MGMT: variants seen among roughly 807,000 people sequenced by gnomAD.
MGMT encodes the protein O-6-methylguanine-DNA methyltransferase.
In MGMT, 14 loss-of-function variants were observed where a neutral mutation model predicts 15.9. The observed-to-expected ratio is 0.88, with a 90% CI of 0.58 to 1.37. The LOEUF (loss-of-function observed/expected upper bound fraction) is 1.37, where lower values mean the gene tolerates loss of function less well. MGMT is among the 40% of genes most tolerant of loss of function. The pLI is 0.00. For missense variants in MGMT, 282 were observed against 268.1 expected (o/e 1.05, Z -0.36); for synonymous variants, 130 against 118.2 (o/e 1.10, Z -0.65).
At chr10:129,475,973 G>A (rs1366099561) in intron 1 of MGMT, among the ~76,000 whole-genome samples, 1 of 152,152 alleles carries the variant, frequency 6.6e-6, no homozygotes, top group African/African-American at 2.4e-5. Context: ...CATTTGCCAG[G>A]AGGCAGGACT....
At chr10:129,764,796 A>G (rs536488008) in intron 4 of MGMT, among the ~76,000 whole-genome samples, 4 of 152,088 alleles carry the variant, frequency 2.6e-5, no homozygotes, top group Non-Finnish European at 4.4e-5. Context: ...GTTTGTTCTC[A>G]TCAGGGCAGG....
chr10:129,583,720 C>T (rs1395331242), intron 2 of MGMT, among the ~76,000 whole-genome samples: 4 of 152,244 alleles, frequency 2.6e-5, no homozygotes, highest in Admixed American at 2.6e-4. Flanking sequence ...GCCGCCCACA[C>T]CTTGCTTCCT....
At position 129,770,538 on chromosome 10, in the gene MGMT, G is replaced by T. The variant is rs771035936; in HGVS notation, c.*3541G>T. Among the ~76,000 whole-genome samples the T allele has an allele frequency of 2.2e-4, 33 of 152,210 alleles. No homozygotes were observed. The highest frequency in any genetic ancestry group is 4.4e-4 in the Non-Finnish European group (30 of 68,044). On this transcript the variant is annotated 3_prime_UTR_variant, in exon 5 of 5. Coordinates refer to ENST00000651593, the MANE Select transcript of MGMT (RefSeq NM_002412.5). Reference sequence around the variant, plus strand: ...TCCATGCACCCGTAGCTGTGACCATGGGCGGTGGCGCCAGCTCGGACTTCA... The same window carrying T: ...TCCATGCACCCGTAGCTGTGACCATTGGCGGTGGCGCCAGCTCGGACTTCA...
chr10:129,530,808 C>T (rs1483571253), intron 1 of MGMT, among the ~76,000 whole-genome samples: 2 of 152,254 alleles, frequency 1.3e-5, no homozygotes, highest in East Asian at 1.9e-4. Flanking sequence ...CATCCCCCAG[C>T]TCTCGTGGCG....
chr10:129,644,410 C>T (rs760347037), intron 2 of MGMT, among the ~76,000 whole-genome samples: 4 of 152,266 alleles, frequency 2.6e-5, no homozygotes, highest in East Asian at 3.9e-4. Context: ...AGGCTGGCGT[C>T]GGGGCCAGGC....
intron 4 of MGMT, among the ~76,000 whole-genome samples, chr10:129,766,459 C>T (rs1450717314): frequency 6.6e-6 from 1 of 152,190 alleles, no homozygotes; most frequent in East Asian, 1.9e-4. Context: ...GTTTTGTAAG[C>T]GAACGTTGTA....
Position 129,498,448 on chromosome 10 carries a change from A to G in MGMT, c.-13+31152A>G, listed in dbSNP as rs149397256. On this transcript the variant is annotated intron_variant, in intron 1 of 4. Transcript: ENST00000651593. The stretch of plus-strand genomic sequence containing the variant: ...TTTGTATTTCCCTCCTTCCCTTTTC[A>G]TTTACCAACGGGAACTGTTCTGTAA... 3.0e-3 allele frequency among the ~76,000 whole-genome samples: 458 copies of G among 151,984 alleles called. 4 individuals are homozygous for G. The highest frequency in any genetic ancestry group is 0.01 in the African/African-American group (430 of 41,434).
chr10:129,716,995 C>G (rs550168822), intron 3 of MGMT, among the ~76,000 whole-genome samples: 58 of 152,328 alleles, frequency 3.8e-4, no homozygotes, highest in African/African-American at 1.4e-3. Flanking sequence ...GCAGCGTCGG[C>G]CAGCTGTGCC....
intron 2 of MGMT, among the ~76,000 whole-genome samples, chr10:129,586,275 T>A (rs1846616918): frequency 1.3e-5 from 2 of 152,076 alleles, no homozygotes; most frequent in South Asian, 4.1e-4. Context: ...ATGACCCCAA[T>A]CAAAATAACA....
chr10:129,685,782 G>A (rs1847898281), intron 2 of MGMT, among the ~76,000 whole-genome samples: 1 of 152,142 alleles, frequency 6.6e-6, no homozygotes, highest in Non-Finnish European at 1.5e-5. Context: ...TCTGGAGATG[G>A]GCAGGTACAC....
intron 2 of MGMT, among the ~76,000 whole-genome samples, chr10:129,643,575 C>T (rs1401108994): frequency 1.3e-5 from 2 of 152,140 alleles, no homozygotes; most frequent in Admixed American, 6.5e-5. Flanking sequence ...GGGACAAGGA[C>T]CCACACATGC....
intron 1 of MGMT, among the ~76,000 whole-genome samples, chr10:129,482,927 A>G (rs1295729161): frequency 6.6e-6 from 1 of 152,218 alleles, no homozygotes; most frequent in African/African-American, 2.4e-5. Flanking sequence ...TAAGTATACC[A>G]TCTGGCTGTT....
intron 2 of MGMT, among the ~76,000 whole-genome samples, chr10:129,690,227 T>C (rs1237530796): frequency 6.6e-6 from 1 of 152,218 alleles, no homozygotes; most frequent in Non-Finnish European, 1.5e-5. Flanking sequence ...AATTATGTCT[T>C]TTAGAGAATG....
chr10:129,674,886 G>C (rs947670941), intron 2 of MGMT, among the ~76,000 whole-genome samples: 2 of 152,262 alleles, frequency 1.3e-5, no homozygotes, highest in Non-Finnish European at 2.9e-5. Context: ...CCACAGTGCA[G>C]GGGAGGAGGG....
chr10:129,673,653 G>A (rs554977745), intron 2 of MGMT, among the ~76,000 whole-genome samples: 1 of 152,064 alleles, frequency 6.6e-6, no homozygotes, highest in Non-Finnish European at 1.5e-5. Context: ...CCCATTCAGG[G>A]GTTGCAAGTT....
intron 2 of MGMT, among the ~76,000 whole-genome samples, chr10:129,658,330 A>G (rs1589920011): frequency 6.6e-6 from 1 of 152,180 alleles, no homozygotes; most frequent in South Asian, 2.1e-4. Context: ...CTTAAAACAG[A>G]CACAGGGATT....
chr10:129,590,378 A>G (rs1253933914), intron 2 of MGMT, among the ~76,000 whole-genome samples: 1 of 152,222 alleles, frequency 6.6e-6, no homozygotes, highest in East Asian at 1.9e-4. Context: ...TGGATTGAAT[A>G]CTTATGTTTC....
intron 1 of MGMT, among the ~76,000 whole-genome samples, chr10:129,522,250 G>A (rs1845819590): frequency 6.6e-6 from 1 of 152,222 alleles, no homozygotes. Context: ...GGAATGCCTG[G>A]GAAGGGCATG....
intron 2 of MGMT, among the ~76,000 whole-genome samples, chr10:129,553,340 G>A (rs886112272): frequency 6.6e-6 from 1 of 152,094 alleles, no homozygotes; most frequent in South Asian, 2.1e-4. Context: ...ATTCATTGTG[G>A]TGCAAAGGAA....
Sources: allele counts gnomAD v4.1 joint callset (sites outside exome capture counted in the v4.1 genomes callset), GRCh38; gene constraint gnomAD v4.1.1; transcripts MANE v1.5; gene names NCBI Gene and HGNC (gene_info 2026-07-23, HGNC 2026-07-21).